The following CAPZB variants were observed in gnomAD, a reference collection of about 807,000 sequenced individuals.
The protein encoded by CAPZB is capping actin protein of muscle Z-line subunit beta.
Under a neutral mutation model 38.1 loss-of-function variants are expected in CAPZB, and 2 were observed. That is an observed-to-expected ratio of 0.05 (90% CI 0.02 to 0.17). The LOEUF is 0.17. CAPZB is among the 10% of genes least tolerant of loss of function. The pLI is 1.00. For synonymous variants in CAPZB, 107 were observed against 127.4 expected, an observed-to-expected ratio of 0.84 and a Z score of 1.08; for missense variants, 161 against 334.2, an observed-to-expected ratio of 0.48 and a Z score of 4.04.
At chr1:19,444,043 AGCTACTCAGGGG>A (rs2094488008) in intron 1 of CAPZB, among the ~76,000 whole-genome samples, 1 of 152,210 alleles carries the variant, frequency 6.6e-6, no homozygotes, top group Admixed American at 6.5e-5. Context: ...CTGTAATCCC[AGCTACTCAGGGG>A]GCTGAGGCAG....
chr1:19,471,691 C>T (rs4912102), intron 1 of CAPZB, among the ~76,000 whole-genome samples: 23,539 of 151,820 alleles, frequency 0.16, 2,194 homozygotes, highest in African/African-American at 0.25. Context: ...GGTGAAACCC[C>T]GTCTCTACTA....
intron 2 of CAPZB, among the ~76,000 whole-genome samples, chr1:19,392,826 T>C (rs1398894005): frequency 6.6e-6 from 1 of 152,162 alleles, no homozygotes; most frequent in Non-Finnish European, 1.5e-5. Flanking sequence ...TAATAGGTAA[T>C]ACATTCACAT....
At chr1:19,452,374 G>A (rs1488266905) in intron 1 of CAPZB, among the ~76,000 whole-genome samples, 1 of 152,220 alleles carries the variant, frequency 6.6e-6, no homozygotes, top group Non-Finnish European at 1.5e-5. Flanking sequence ...GGAAGAGGCT[G>A]TTCTTGGTCG....
intron 4 of CAPZB, among the ~76,000 whole-genome samples, chr1:19,362,021 C>T (rs946317937): frequency 1.3e-5 from 2 of 152,114 alleles, no homozygotes; most frequent in Non-Finnish European, 2.9e-5. Flanking sequence ...TCCGCCCTGC[C>T]CTGGCCCCTG....
chr1:19,395,873 CG>C (rs898493355), intron 2 of CAPZB, among the ~76,000 whole-genome samples: 20 of 152,242 alleles, frequency 1.3e-4, no homozygotes, highest in Non-Finnish European at 2.8e-4. Context: ...TGCCTGCAGC[CG>C]GCCAGCCAGC....
intron 1 of CAPZB, among the ~76,000 whole-genome samples, chr1:19,470,096 G>C (rs2094582025): frequency 6.6e-6 from 1 of 152,166 alleles, no homozygotes; most frequent in African/African-American, 2.4e-5. Flanking sequence ...GAGCAAATCT[G>C]CAGTCCCAGC....
At chr1:19,478,548 CAT>C (rs2100807952) in intron 1 of CAPZB, among the ~76,000 whole-genome samples, 1 of 152,326 alleles carries the variant, frequency 6.6e-6, no homozygotes, top group African/African-American at 2.4e-5. Context: ...ATGTCAGAAA[CAT>C]GTGGGGTGAC....
At chr1:19,403,574 C>T (rs1212001333) in intron 2 of CAPZB, among the ~76,000 whole-genome samples, 3 of 152,160 alleles carry the variant, frequency 2.0e-5, no homozygotes, top group Admixed American at 6.5e-5. Context: ...GGCTTGATCC[C>T]GACAATGTGG....
At chr1:19,372,487 C>G (rs2094124357) in intron 4 of CAPZB, among the ~76,000 whole-genome samples, 1 of 152,204 alleles carries the variant, frequency 6.6e-6, no homozygotes, top group African/African-American at 2.4e-5. Flanking sequence ...TTCCTATCTT[C>G]TCCAGGAACC....
chr1:19,478,548 C>T (rs1279573476), intron 1 of CAPZB, among the ~76,000 whole-genome samples: 1 of 152,208 alleles, frequency 6.6e-6, no homozygotes, highest in Non-Finnish European at 1.5e-5. Flanking sequence ...ATGTCAGAAA[C>T]ATGTGGGGTG....
intron 2 of CAPZB, among the ~76,000 whole-genome samples, chr1:19,410,489 G>C (rs1044572409): frequency 1.3e-5 from 2 of 152,180 alleles, no homozygotes; most frequent in African/African-American, 4.8e-5. Context: ...TGTATGGGTG[G>C]GGGGTGGTGG....
chr1:19,455,726 A>G lies in CAPZB; in HGVS notation c.3+29710T>C, dbSNP rs556654118. On this transcript the variant is annotated intron_variant, in intron 1 of 8. Coordinates refer to ENST00000264202, the MANE Select transcript of CAPZB (RefSeq NM_004930.5). ...TTGGCCCTGACGCCAATTGTCACTC[A>G]TCTCAGGTCCTTCCAAAAGAGCTGG... Among the ~76,000 whole-genome samples, 8 of 152,336 alleles carry G rather than the reference A, an allele frequency of 5.3e-5. No homozygotes were observed. In the East Asian group the frequency reaches 1.4e-3, roughly 26 times the overall value.
intron 1 of CAPZB, among the ~76,000 whole-genome samples, chr1:19,476,660 G>C (rs1281736152): frequency 6.6e-6 from 1 of 152,238 alleles, no homozygotes; most frequent in East Asian, 1.9e-4. Flanking sequence ...GTCCTGTCCA[G>C]TAGGCCAAGC....
At chr1:19,447,696 G>C (rs1261816748) in intron 1 of CAPZB, among the ~76,000 whole-genome samples, 2 of 152,128 alleles carry the variant, frequency 1.3e-5, no homozygotes, top group African/African-American at 4.8e-5. Context: ...TCAGGGCCAG[G>C]GTGGCACAGC....
intron 2 of CAPZB, among the ~76,000 whole-genome samples, chr1:19,418,160 A>AG (rs2094388023): frequency 6.7e-6 from 1 of 150,160 alleles, no homozygotes; most frequent in Non-Finnish European, 1.5e-5. Context: ...AAAAAAAAAA[A>AG]AAAAACCACC....
intron 8 of CAPZB, among the ~76,000 whole-genome samples, chr1:19,341,230 G>A (rs770774978): frequency 7.2e-4 from 109 of 152,320 alleles, no homozygotes; most frequent in Non-Finnish European, 8.8e-4. Flanking sequence ...GCTCTGCGGC[G>A]GCCAAAGGCA....
intron 1 of CAPZB, among the ~76,000 whole-genome samples, chr1:19,446,365 T>G (rs940111547): frequency 6.6e-6 from 1 of 151,926 alleles, no homozygotes; most frequent in African/African-American, 2.4e-5. Flanking sequence ...AAAGTTAAAG[T>G]GAGTAATATG....
Position 19,401,792 on chromosome 1 carries a change from T to C in CAPZB, c.94-16166A>G, listed in dbSNP as rs1469629672. On this transcript the variant is annotated intron_variant, in intron 2 of 8. Coordinates refer to ENST00000264202, the MANE Select transcript of CAPZB (RefSeq NM_004930.5). ...CAATGAGACTGAAATGGCCTACACA[T>C]AGGCTGACGACCTATAATAACATAA... is the stretch of plus-strand genomic sequence containing the variant. Among the ~76,000 whole-genome samples, 6 of 152,208 alleles carry C rather than the reference T, an allele frequency of 3.9e-5. No individual in the cohort carries two copies. In the East Asian group the frequency reaches 9.6e-4, roughly 24 times the overall value.
At chr1:19,483,084 A>T (rs1402139567) in intron 1 of CAPZB, among the ~76,000 whole-genome samples, 1 of 152,190 alleles carries the variant, frequency 6.6e-6, no homozygotes, top group Non-Finnish European at 1.5e-5. Flanking sequence ...AACACAAGAC[A>T]CAAATCTCTG....
Sources: allele counts gnomAD v4.1 joint callset (sites outside exome capture counted in the v4.1 genomes callset), GRCh38; gene constraint gnomAD v4.1.1; transcripts MANE v1.5; gene names NCBI Gene and HGNC (gene_info 2026-07-23, HGNC 2026-07-21).